KLHL29: variants seen among roughly 807,000 people sequenced by gnomAD.
KLHL29 encodes kelch-like protein 29.
In KLHL29, 21 loss-of-function variants were observed where a neutral mutation model predicts 80.4. The observed-to-expected ratio is 0.26, with a 90% CI of 0.19 to 0.38. KLHL29 has a LOEUF of 0.38. Ranked by LOEUF, KLHL29 falls within the 10% of genes least tolerant of loss-of-function variation. The pLI, the probability that KLHL29 is intolerant of heterozygous loss-of-function variation, is 1.00. For missense variants in KLHL29, 867 were observed against 1,223.9 expected (o/e 0.71, Z 4.35); for synonymous variants, 511 against 526.8 (o/e 0.97, Z 0.41).
chr2:23,687,150 G>C (rs762086143), intron 6 of KLHL29, among the ~76,000 whole-genome samples: 2 of 152,166 alleles, frequency 1.3e-5, no homozygotes, highest in Admixed American at 6.5e-5. Flanking sequence ...GTGGCTCCAC[G>C]CTCAGGCAGC....
At chr2:23,563,536 G>C (rs1389787304) in intron 3 of KLHL29, among the ~76,000 whole-genome samples, 1 of 152,208 alleles carries the variant, frequency 6.6e-6, no homozygotes, top group Non-Finnish European at 1.5e-5. Context: ...TGTGTGTCTA[G>C]GCTTTTCTTT....
chr2:23,706,496 T>A lies in KLHL29; in HGVS notation c.2460T>A (p.Asp820Glu). ...SRQFCSAVVLDGKIYATGGIV... is the reference protein window; with the variant it reads ...SRQFCSAVVLEGKIYATGGIV... ...CCCCCAACAGTGCTGTGGTGCTTGA[T>A]GGCAAGATTTATGCAACTGGAGGTA... The change falls in exon 14 of 14, where the codon GAT becomes GAA. Residue 820 changes from aspartate (D) to glutamate (E), a missense_variant. Physicochemically the swap from Asp to Glu is conservative, Grantham distance 45. Transcript: ENST00000486442. 6.5e-7 allele frequency: 1 copy of A among 1,530,794 alleles called. No homozygotes were observed. The highest frequency in any genetic ancestry group is 2.5e-5 in the East Asian group (1 of 40,636). The allele number at this position is 1,530,794 out of a possible 1,614,324, so 94.8% of individuals were successfully genotyped here. A position where few individuals can be genotyped will look rare whatever the true frequency, so the allele number is the denominator to read the frequency against.
At chr2:23,523,910 T>C (rs1558372160) in intron 2 of KLHL29, 1 of 453,594 alleles carries the variant, frequency 2.2e-6, no homozygotes, top group Non-Finnish European at 4.7e-6. Flanking sequence ...TACAATTCCT[T>C]TTACCAAAGA....
rs531626887 is a variant in KLHL29, at chr2:23,706,949, G to T, written c.*285G>T. ...TCTGCCAGGTGCAATAGAGTTTCAC[G>T]TATTTTTCAACTGGGAGAGAGAAGC... On this transcript the variant is annotated 3_prime_UTR_variant, in exon 14 of 14. Coordinates refer to ENST00000486442, the MANE Select transcript of KLHL29 (RefSeq NM_052920.2). 6 of 299,040 alleles carry T rather than the reference G, an allele frequency of 2.0e-5. No homozygotes were observed. The South Asian group carries it at 5.1e-4, about 26-fold the overall frequency. The allele number at this position is 299,040 out of a possible 1,614,324, so 18.5% of individuals were successfully genotyped here. A position where few individuals can be genotyped will look rare whatever the true frequency, so the allele number is the denominator to read the frequency against.
rs938326502 is a variant in KLHL29, at chr2:23,680,874, G to C, written c.941-3525G>C. On this transcript the variant is annotated intron_variant, in intron 5 of 13. Transcript: ENST00000486442. This position sits in a 1 kb window ranked among gnomAD's most constrained non-coding sequence, Gnocchi z 4.1. Reference sequence around the variant, plus strand: ...GGAGCAGGATAGTGCAGGGTGCCAGGTGCTTCTGGAAGTCCACTCTGAAGA... The same window carrying C: ...GGAGCAGGATAGTGCAGGGTGCCAGCTGCTTCTGGAAGTCCACTCTGAAGA... Among the ~76,000 whole-genome samples the C allele has an allele frequency of 6.6e-6, 1 of 152,148 alleles. No individual in the cohort carries two copies. The highest frequency in any genetic ancestry group is 6.5e-5 in the Admixed American group (1 of 15,280).
chr2:23,548,413 C>A (rs1667037139), intron 2 of KLHL29, among the ~76,000 whole-genome samples: 1 of 152,142 alleles, frequency 6.6e-6, no homozygotes, highest in Non-Finnish European at 1.5e-5. Flanking sequence ...TCTTCCCTCA[C>A]TGTCTTTTCC....
intron 2 of KLHL29, among the ~76,000 whole-genome samples, chr2:23,495,925 T>C (rs946756326): frequency 6.6e-6 from 1 of 152,220 alleles, no homozygotes; most frequent in Non-Finnish European, 1.5e-5. Flanking sequence ...CAGCTGTTCT[T>C]CCCCCACTGC....
chr2:23,585,159 G>A (rs1266763506), intron 3 of KLHL29, among the ~76,000 whole-genome samples: 1 of 152,204 alleles, frequency 6.6e-6, no homozygotes, highest in Non-Finnish European at 1.5e-5. Flanking sequence ...AGGCTCTGTC[G>A]GCCTAATCTG....
chr2:23,611,073 C>G (rs672643), intron 3 of KLHL29, among the ~76,000 whole-genome samples: 37,527 of 151,860 alleles, frequency 0.25, 4,836 homozygotes, highest in Middle Eastern at 0.4. Context: ...TCAAAATGAT[C>G]AATGAGGAAA....
At position 23,696,598 on chromosome 2, in the gene KLHL29, C is replaced by A. The variant is rs926612856; in HGVS notation, c.2105+85C>A. ...GTCACTCACTGTACCTCCCAACACC[C>A]ACTCAGTGGCGATGGAGCAGAGCCT... On this transcript the variant is annotated intron_variant, in intron 11 of 13. Coordinates refer to ENST00000486442, the MANE Select transcript of KLHL29 (RefSeq NM_052920.2). This position sits in a 1 kb window ranked among gnomAD's most constrained non-coding sequence, Gnocchi z 5.5. 1,075 of 1,093,342 alleles carry A rather than the reference C, an allele frequency of 9.8e-4. 7 individuals carry two copies. Among genetic ancestry groups the A allele is most frequent in the East Asian group, 3.7e-4 (14 of 38,330 alleles). 67.7% of individuals were successfully genotyped at this position (1,093,342 alleles called of 1,614,324 possible). A position where few individuals can be genotyped will look rare whatever the true frequency, so the allele number is the denominator to read the frequency against.
At chr2:23,678,254 C>T (rs866291761) in intron 5 of KLHL29, among the ~76,000 whole-genome samples, 4 of 152,206 alleles carry the variant, frequency 2.6e-5, no homozygotes, top group African/African-American at 7.2e-5. Flanking sequence ...CCCATTCCCT[C>T]GTGCCACTTG....
At chr2:23,408,168 A>G (rs1323315859) in intron 1 of KLHL29, among the ~76,000 whole-genome samples, 1 of 149,852 alleles carries the variant, frequency 6.7e-6, no homozygotes. Flanking sequence ...TGGTAGTACA[A>G]ATCATCTTCA....
intron 5 of KLHL29, among the ~76,000 whole-genome samples, chr2:23,679,576 G>A (rs1265714699): frequency 1.4e-5 from 2 of 143,930 alleles, no homozygotes; most frequent in East Asian, 3.9e-4. Context: ...CTTGACGGGG[G>A]AAGCTACAAA....
intron 2 of KLHL29, among the ~76,000 whole-genome samples, chr2:23,514,030 A>G: frequency 6.6e-6 from 1 of 152,156 alleles, no homozygotes; most frequent in South Asian, 2.1e-4. Context: ...CACAAAAACC[A>G]TTGTTTACAA....
At chr2:23,402,975 T>C (rs1302215170) in intron 1 of KLHL29, among the ~76,000 whole-genome samples, 1 of 150,688 alleles carries the variant, frequency 6.6e-6, no homozygotes, top group Non-Finnish European at 1.5e-5. Context: ...CTTATATGTA[T>C]ATATACATAT....
At chr2:23,387,402 C>A (rs996575944) in intron 1 of KLHL29, among the ~76,000 whole-genome samples, 1 of 152,126 alleles carries the variant, frequency 6.6e-6, no homozygotes, top group African/African-American at 2.4e-5. Context: ...GTTTCTTCCT[C>A]GCCGTGTGGT....
At position 23,650,309 on chromosome 2, in the gene KLHL29, G is replaced by A. The variant is rs1420326545; in HGVS notation, c.940+7459G>A. On this transcript the variant is annotated intron_variant, in intron 5 of 13. Transcript: ENST00000486442. ...AAAGAATGCTGGAGGGAAGTGCCAG[G>A]GACACAGAATTATGATTTTCCAATA... Among the ~76,000 whole-genome samples the A allele has an allele frequency of 3.9e-5, 6 of 152,220 alleles. No homozygotes were observed. In the South Asian group the frequency reaches 8.3e-4, roughly 21 times the overall value.
At position 23,696,114 on chromosome 2, in the gene KLHL29, G is replaced by A. The variant is rs1309334748; in HGVS notation, c.1905G>A (p.Gly635=). The A allele has an allele frequency of 1.0e-5, 16 of 1,551,674 alleles. No homozygotes were observed. In the South Asian group the frequency reaches 1.5e-4, roughly 15 times the overall value. Residue 635 remains glycine, a synonymous_variant, in exon 10 of 14, where the codon GGG becomes GGA. Coordinates refer to ENST00000486442, the MANE Select transcript of KLHL29 (RefSeq NM_052920.2). This position sits in a 1 kb window ranked among gnomAD's most constrained non-coding sequence, Gnocchi z 5.5. Reference sequence around the variant, plus strand: ...AGTTCTTCAGTGTAGTGAGTGCAGGGGACAACATCTACCTCTCAGGTGAGG... The same window carrying A: ...AGTTCTTCAGTGTAGTGAGTGCAGGAGACAACATCTACCTCTCAGGTGAGG... ...DREFFSVVSA[G]DNIYLSGGME... is the part of the protein sequence containing the mutation.
rs1666152128 is a variant in KLHL29, at chr2:23,385,559, G to C, written c.-375G>C. 1 of 171,308 alleles carries C rather than the reference G, an allele frequency of 5.8e-6. No homozygotes were observed. The highest frequency in any genetic ancestry group is 1.4e-5 in the Non-Finnish European group (1 of 71,488). The allele number at this position is 171,308 out of a possible 1,614,324, so 10.6% of individuals were successfully genotyped here. A position where few individuals can be genotyped will look rare whatever the true frequency, so the allele number is the denominator to read the frequency against. ...CTCTCCCGGGCATCCTCCCTGGGCT[G>C]CCGGGAGGCGGCGGCGGCGGAGGAG... is the stretch of plus-strand genomic sequence containing the variant. On this transcript the variant is annotated 5_prime_UTR_variant, in exon 1 of 14. Coordinates refer to ENST00000486442, the MANE Select transcript of KLHL29 (RefSeq NM_052920.2).
Sources: allele counts gnomAD v4.1 joint callset (sites outside exome capture counted in the v4.1 genomes callset), GRCh38; gene constraint gnomAD v4.1.1; non-coding constraint Gnocchi (gnomAD v3.1); transcripts MANE v1.5; gene names NCBI Gene and HGNC (gene_info 2026-07-23, HGNC 2026-07-21).